Variants in PREX2 observed in about 807,000 individuals in gnomAD.
The protein encoded by PREX2 is phosphatidylinositol-3,4,5-trisphosphate dependent Rac exchange factor 2.
A neutral mutation model predicts 203.2 loss-of-function variants in PREX2; 107 were observed. The observed-to-expected ratio is 0.53, with a 90% CI of 0.45 to 0.62. PREX2 has a LOEUF of 0.62. PREX2 is among the 20% of genes least tolerant of loss of function. The pLI is 0.00. For missense variants in PREX2, 1,777 were observed against 1,955.9 expected, an observed-to-expected ratio of 0.91 and a Z score of 1.72; for synonymous variants, 672 against 663.6, an observed-to-expected ratio of 1.01 and a Z score of -0.19.
chr8:68,150,227 C>T (rs1352953034), intron 34 of PREX2, among the ~76,000 whole-genome samples: 1 of 152,092 alleles, frequency 6.6e-6, no homozygotes, highest in Non-Finnish European at 1.5e-5. Flanking sequence ...CTGGGAGAGG[C>T]TTTTCCAGGA....
rs142753787 is a variant in PREX2 at position 68,137,338 on chromosome 8, G to A, written c.3985-1077G>A. ...GCTGGAGTGTAGCAGTGCAATCTTG[G>A]CTCACTGCAGCCTCAACCTCCTGCG... On this transcript the variant is annotated intron_variant, in intron 32 of 39. Transcript: ENST00000288368. Among the ~76,000 whole-genome samples, 1,150 of 152,142 alleles carry A rather than the reference G, an allele frequency of 7.6e-3. 6 individuals are homozygous for A. Among genetic ancestry groups the A allele is most frequent in the African/African-American group, 0.026 (1,091 of 41,510 alleles).
chr8:68,049,071 G>C (rs75870295), intron 8 of PREX2, among the ~76,000 whole-genome samples: 54 of 150,612 alleles, frequency 3.6e-4, no homozygotes, highest in African/African-American at 1.2e-3. Flanking sequence ...AAAGGTCAAG[G>C]GATGAACTAC....
intron 37 of PREX2, among the ~76,000 whole-genome samples, chr8:68,213,531 A>G (rs889404344): frequency 2.6e-5 from 4 of 152,204 alleles, no homozygotes; most frequent in Admixed American, 2.6e-4. Flanking sequence ...TCATGCAATA[A>G]AATATATTTT....
intron 22 of PREX2, among the ~76,000 whole-genome samples, chr8:68,098,940 ATATAT>A (rs1810174308): frequency 3.0e-5 from 1 of 33,656 alleles, no homozygotes; most frequent in Admixed American, 3.1e-4. Context: ...ATATATGTGT[ATATAT>A]ATATATATAT....
intron 1 of PREX2, among the ~76,000 whole-genome samples, chr8:67,957,068 A>G (rs1805511169): frequency 6.6e-6 from 1 of 152,196 alleles, no homozygotes. Context: ...TCCTATAAGT[A>G]GTTACTGTTA....
intron 15 of PREX2, among the ~76,000 whole-genome samples, chr8:68,079,460 C>T (rs1260134552): frequency 1.3e-5 from 2 of 152,170 alleles, no homozygotes; most frequent in South Asian, 2.1e-4. Flanking sequence ...CCCCACTTTA[C>T]AGATGAGGAA....
At chr8:68,147,458 C>T (rs370639349) in intron 34 of PREX2, among the ~76,000 whole-genome samples, 32 of 152,104 alleles carry the variant, frequency 2.1e-4, no homozygotes, top group African/African-American at 5.3e-4. Flanking sequence ...ATAAGTCTCA[C>T]GAGATCTGAT....
At chr8:68,018,594 G>A (rs1326835911) in intron 2 of PREX2, among the ~76,000 whole-genome samples, 2 of 151,998 alleles carry the variant, frequency 1.3e-5, no homozygotes, top group Non-Finnish European at 2.9e-5. Flanking sequence ...GTGGGCAAAC[G>A]TGACTTCCAG....
chr8:68,228,912 A>C (rs1585878168), intron 39 of PREX2, among the ~76,000 whole-genome samples: 1 of 145,668 alleles, frequency 6.9e-6, no homozygotes, highest in Non-Finnish European at 1.5e-5. Flanking sequence ...ACTGCACTCC[A>C]GCCTGGGAGA....
chr8:68,098,980 C>T lies in PREX2; in HGVS notation c.2554-702C>T, dbSNP rs562966129. 1.7e-3 allele frequency among the ~76,000 whole-genome samples: 188 copies of T among 112,768 alleles called. 2 individuals are homozygous for T. The highest frequency in any genetic ancestry group is 2.2e-3 in the Non-Finnish European group (119 of 53,352). 74.0% of individuals were successfully genotyped at this position (112,768 alleles called of 152,430 possible). ...TATATATATATATATATATATATCT[C>T]ACATAATTAATTCTCAGGTCATTGG... On this transcript the variant is annotated intron_variant, in intron 22 of 39. Transcript: ENST00000288368.
In PREX2 at chr8:68,067,249, C is replaced by A. The variant is rs530946344; in HGVS notation, c.1340-1784C>A. Among the ~76,000 whole-genome samples the A allele has an allele frequency of 2.0e-5, 3 of 152,076 alleles. No individual in the cohort carries two copies. The South Asian group carries it at 6.2e-4, about 32-fold the overall frequency. On this transcript the variant is annotated intron_variant, in intron 11 of 39. Transcript: ENST00000288368. ...GATTTTAGGATTGTTTTTTCTATTT[C>A]TGTGAAAAATGCCTTTGGAATCTTG...
At position 68,022,040 on chromosome 8, in the gene PREX2, A is replaced by T; in HGVS notation, c.341A>T (p.Asp114Val). ...TATTCTTACATGAATTCACAGAAAGACAAGTTTCGTATCTATGATGAATAT... is the reference window on the plus strand; with the variant it reads ...TATTCTTACATGAATTCACAGAAAGTCAAGTTTCGTATCTATGATGAATAT... ...EVGTCFLHFK[D>V]KFRIYDEYCS... is the part of the protein sequence containing the mutation. Residue 114 changes from aspartate (D) to valine (V), a missense_variant, in exon 4 of 40, where the codon GAC becomes GTC. Transcript: ENST00000288368. 7.0e-7 allele frequency: 1 copy of T among 1,430,232 alleles called. No individual in the cohort carries two copies. Among genetic ancestry groups the T allele is most frequent in the Non-Finnish European group, 9.9e-7 (1 of 1,013,270 alleles). 88.6% of individuals were successfully genotyped at this position (1,430,232 alleles called of 1,614,324 possible).
intron 35 of PREX2, among the ~76,000 whole-genome samples, chr8:68,180,159 CT>C (rs1296582851): frequency 1.3e-5 from 2 of 152,156 alleles, no homozygotes; most frequent in East Asian, 3.9e-4. Context: ...GACTTAAATT[CT>C]ATGATCAAAA....
At chr8:68,104,223 T>G (rs1026748042) in intron 23 of PREX2, among the ~76,000 whole-genome samples, 1 of 152,180 alleles carries the variant, frequency 6.6e-6, no homozygotes, top group Non-Finnish European at 1.5e-5. Context: ...CCATCTCTCC[T>G]GTAAGTGGTA....
At chr8:68,104,103 C>G (rs1041496703) in intron 23 of PREX2, among the ~76,000 whole-genome samples, 3 of 152,180 alleles carry the variant, frequency 2.0e-5, no homozygotes, top group African/African-American at 4.8e-5. Flanking sequence ...CCTAAAACCT[C>G]GAATACACTC....
At chr8:68,059,282 T>C (rs919357203) in intron 10 of PREX2, among the ~76,000 whole-genome samples, 2 of 122,768 alleles carry the variant, frequency 1.6e-5, no homozygotes, top group African/African-American at 3.9e-5. Flanking sequence ...CTCTTAATGA[T>C]ACCACGTGAC....
chr8:68,146,190 C>A lies in PREX2; in HGVS notation c.4088-19C>A. The A allele has an allele frequency of 6.4e-7, 1 of 1,572,660 alleles. No homozygotes were observed. The stretch of plus-strand genomic sequence containing the variant: ...TATCCTTATTTTAGGAAGTAATATA[C>A]TATTAAATATCATTTTAGATGTTCC... On this transcript the variant is annotated intron_variant, in intron 33 of 39. Transcript: ENST00000288368.
intron 23 of PREX2, among the ~76,000 whole-genome samples, chr8:68,103,893 C>G (rs760266951): frequency 3.3e-5 from 5 of 152,152 alleles, no homozygotes; most frequent in Non-Finnish European, 5.9e-5. Flanking sequence ...CCTTTTCTCT[C>G]TCCATTTTCA....
intron 39 of PREX2, among the ~76,000 whole-genome samples, chr8:68,228,459 CATAAA>C (rs911196918): frequency 6.6e-6 from 1 of 151,690 alleles, no homozygotes; most frequent in Non-Finnish European, 1.5e-5. Flanking sequence ...CCTGTCTTTA[CATAAA>C]ATAAAAAATA....
Sources: allele counts gnomAD v4.1 joint callset (sites outside exome capture counted in the v4.1 genomes callset), GRCh38; gene constraint gnomAD v4.1.1; transcripts MANE v1.5; gene names NCBI Gene and HGNC (gene_info 2026-07-23, HGNC 2026-07-21).